CTIF: variants seen among roughly 807,000 people sequenced by gnomAD.
CTIF encodes cap binding complex dependent translation initiation factor.
Under a neutral mutation model 66.0 loss-of-function variants are expected in CTIF, and 21 were observed. The observed-to-expected ratio is 0.32, with a 90% CI of 0.23 to 0.46. The LOEUF is 0.46. Ranked by LOEUF, CTIF falls within the 20% of genes least tolerant of loss-of-function variation. The pLI is 1.00. For missense variants in CTIF, 739 were observed against 812.7 expected (o/e 0.91, Z 1.10); for synonymous variants, 345 against 326.4 (o/e 1.06, Z -0.62).
intron 11 of CTIF, among the ~76,000 whole-genome samples, chr18:48,858,789 A>G (rs936736406): frequency 1.3e-5 from 2 of 152,192 alleles, no homozygotes; most frequent in Non-Finnish European, 2.9e-5. Context: ...TCCTGTCACA[A>G]GCATGAGCAG....
intron 1 of CTIF, among the ~76,000 whole-genome samples, chr18:48,590,911 A>G (rs1450745429): frequency 6.6e-6 from 1 of 151,480 alleles, no homozygotes; most frequent in African/African-American, 2.4e-5. Context: ...GACAACAGCC[A>G]TGGAGTGAGA....
chr18:48,548,167 G>A (rs545229456), intron 1 of CTIF, among the ~76,000 whole-genome samples: 1 of 152,338 alleles, frequency 6.6e-6, no homozygotes, highest in Admixed American at 6.5e-5. Context: ...CAGAAAGAAT[G>A]TGTGTGGTTC....
At chr18:48,721,348 T>C (rs2092333398) in intron 7 of CTIF, among the ~76,000 whole-genome samples, 2 of 152,214 alleles carry the variant, frequency 1.3e-5, no homozygotes. Context: ...AATGGACGCC[T>C]TGGGAACCAG....
At chr18:48,639,235 G>A (rs891021562) in intron 3 of CTIF, among the ~76,000 whole-genome samples, 4 of 152,332 alleles carry the variant, frequency 2.6e-5, no homozygotes, top group East Asian at 3.9e-4. Flanking sequence ...TTACAGCCAC[G>A]GAAACCTCTG....
intron 6 of CTIF, among the ~76,000 whole-genome samples, chr18:48,708,027 A>G (rs965341975): frequency 1.3e-5 from 2 of 152,196 alleles, no homozygotes; most frequent in African/African-American, 4.8e-5. Context: ...AAGTTCATTC[A>G]TGTTGTAGTG....
intron 1 of CTIF, among the ~76,000 whole-genome samples, chr18:48,610,967 T>C (rs1035526179): frequency 1.1e-4 from 17 of 152,182 alleles, no homozygotes; most frequent in African/African-American, 4.1e-4. Context: ...AGAACTGCGC[T>C]TGGGGTCCAC....
rs1237300706 is a variant in CTIF, at chr18:48,761,418, C to T, written c.1100C>T (p.Pro367Leu). Residue 367 changes from proline (P) to leucine (L), a missense_variant, in exon 9 of 12, where the codon CCC (proline) becomes CTC (leucine). Transcript: ENST00000256413. The surrounding 1 kb of genome is among the most constrained non-coding windows in gnomAD (Gnocchi z 4.2). ...KDEVAVETTT[P>L]QQNKMDKLIE... ...GAAGTGGCCGTGGAGACGACCACTC[C>T]CCAGCAGAACAAGATGGACAAGCTG... 6.2e-7 allele frequency: 1 copy of T among 1,613,914 alleles called. No homozygotes were observed. The highest frequency in any genetic ancestry group is 1.7e-5 in the Admixed American group (1 of 60,014).
Position 48,658,247 on chromosome 18 carries a change from CATGGTGTGTATATGTGTCTTGTATGT to C in CTIF, c.253-5502_253-5477del, listed in dbSNP as rs1485131025. On this transcript the variant is annotated intron_variant, in intron 3 of 11. Coordinates refer to ENST00000256413, the MANE Select transcript of CTIF (RefSeq NM_014772.3). ...GTGTGTGTGTGTATATGCCTGTGTGCATGGTGTGTATATGTGTCTTGTATGTATATGTGTGTGGTCTACATGCATGT... is the reference window on the plus strand; with the variant it reads ...GTGTGTGTGTGTATATGCCTGTGTGCATATGTGTGTGGTCTACATGCATGT... Among the ~76,000 whole-genome samples, 3 of 151,332 alleles carry C rather than the reference CATGGTGTGTATATGTGTCTTGTATGT, an allele frequency of 2.0e-5. No homozygotes were observed. In the South Asian group the frequency reaches 6.2e-4, roughly 31 times the overall value.
chr18:48,571,800 G>A (rs986120239), intron 1 of CTIF, among the ~76,000 whole-genome samples: 3 of 152,126 alleles, frequency 2.0e-5, no homozygotes, highest in African/African-American at 7.2e-5. Flanking sequence ...GCCTCAGGGA[G>A]CCTGGATTAG....
intron 10 of CTIF, chr18:48,826,291 G>A (rs1029540640): frequency 2.0e-5 from 3 of 152,100 alleles, no homozygotes; most frequent in African/African-American, 7.2e-5. Context: ...AAAAAAAATC[G>A]CAACACAGTC....
intron 3 of CTIF, among the ~76,000 whole-genome samples, chr18:48,655,299 A>T (rs1237351726): frequency 3.4e-5 from 1 of 29,696 alleles, no homozygotes; most frequent in Non-Finnish European, 1.7e-4. Flanking sequence ...AGCAAGACTA[A>T]AAAAAAAAAA....
At chr18:48,673,726 C>G (rs1010725401) in intron 6 of CTIF, 1 of 152,168 alleles carries the variant, frequency 6.6e-6, no homozygotes, top group African/African-American at 2.4e-5. Context: ...TCAAGCTTGG[C>G]CAACCTGTGG....
In CTIF at chr18:48,860,103, A is replaced by T. The variant is rs557832380; in HGVS notation, c.*544A>T. Reference sequence around the variant, plus strand: ...GGCACGGTCCCCACCAGCCGCCCGTAATTGACGGCCTTTGTCAGCCATGGC... The same window carrying T: ...GGCACGGTCCCCACCAGCCGCCCGTTATTGACGGCCTTTGTCAGCCATGGC... On this transcript the variant is annotated 3_prime_UTR_variant, in exon 12 of 12. Transcript: ENST00000256413. 1 of 377,346 alleles carries T rather than the reference A, an allele frequency of 2.7e-6. No individual in the cohort carries two copies. The highest frequency in any genetic ancestry group is 1.9e-5 in the South Asian group (1 of 52,750). The allele number at this position is 377,346 out of a possible 1,614,324, so 23.4% of individuals were successfully genotyped here.
chr18:48,580,785 C>G (rs572934196), intron 1 of CTIF, among the ~76,000 whole-genome samples: 3 of 152,310 alleles, frequency 2.0e-5, no homozygotes, highest in Non-Finnish European at 4.4e-5. Flanking sequence ...TTGGCTCCCC[C>G]GCCCTGCAGC....
chr18:48,843,645 A>G (rs993364205), intron 10 of CTIF, among the ~76,000 whole-genome samples: 7 of 151,784 alleles, frequency 4.6e-5, no homozygotes, highest in African/African-American at 9.7e-5. Flanking sequence ...AAAACTCCCA[A>G]CCTCCCAGCA....
intron 9 of CTIF, among the ~76,000 whole-genome samples, chr18:48,805,368 T>G (rs2068123228): frequency 7.5e-6 from 1 of 133,884 alleles, no homozygotes. Context: ...CTGGGCTGTG[T>G]GATAGGAACG....
In CTIF at chr18:48,636,621, C is replaced by A. The variant is rs140616744; in HGVS notation, c.188C>A (p.Ala63Glu). 1.3e-6 allele frequency: 2 copies of A among 1,577,732 alleles called. No individual in the cohort carries two copies. The highest frequency in any genetic ancestry group is 2.4e-5 in the South Asian group (2 of 84,388). Residue 63 changes from alanine to glutamate, a missense_variant, in exon 3 of 12, where the codon GCG (alanine) becomes GAG (glutamate). By Grantham distance (107) the Ala-to-Glu change is moderately radical. This residue lies in a region of CTIF where 529 missense variants were observed against 520.3 expected (regional missense o/e 1.02). Coordinates refer to ENST00000256413, the MANE Select transcript of CTIF (RefSeq NM_014772.3). Reference sequence around the variant, plus strand: ...CTCCTTTCTGTTCTGCAGTGGACAGCGGACTGCAGCGAACCGCTGGACAGC... The same window carrying A: ...CTCCTTTCTGTTCTGCAGTGGACAGAGGACTGCAGCGAACCGCTGGACAGC... ...RTQSHISQWT[A>E]DCSEPLDSSC...
intron 7 of CTIF, among the ~76,000 whole-genome samples, chr18:48,741,786 G>T (rs530318249): frequency 5.3e-5 from 8 of 152,054 alleles, no homozygotes; most frequent in African/African-American, 1.7e-4. Flanking sequence ...GGACTTATGG[G>T]GCTGAGAGCC....
chr18:48,607,891 T>C (rs1292959794), intron 1 of CTIF, among the ~76,000 whole-genome samples: 4 of 152,200 alleles, frequency 2.6e-5, no homozygotes, highest in Admixed American at 2.0e-4. Context: ...GGAGCCTTTT[T>C]TTCTTTCTGC....
Sources: allele counts gnomAD v4.1 joint callset (sites outside exome capture counted in the v4.1 genomes callset), GRCh38; gene constraint gnomAD v4.1.1; regional missense constraint gnomAD v4.1.1; non-coding constraint Gnocchi (gnomAD v3.1); transcripts MANE v1.5; gene names NCBI Gene and HGNC (gene_info 2026-07-23, HGNC 2026-07-21).